Variants in KCNQ2 observed in about 807,000 individuals in gnomAD.
KCNQ2 encodes the protein potassium voltage-gated channel subfamily Q member 2, also known as potassium voltage-gated channel subfamily KQT member 2.
Under a neutral mutation model 84.8 loss-of-function variants are expected in KCNQ2, and 14 were observed. The observed-to-expected ratio is 0.17, with a 90% CI of 0.11 to 0.26. The LOEUF (loss-of-function observed/expected upper bound fraction) is 0.26, where lower values mean the gene tolerates loss of function less well. KCNQ2 is among the 10% of genes least tolerant of loss of function. The pLI is 1.00. For missense variants in KCNQ2, 788 were observed against 1,254.0 expected, an observed-to-expected ratio of 0.63 and a Z score of 5.61; for synonymous variants, 599 against 554.1, an observed-to-expected ratio of 1.08 and a Z score of -1.14.
At chr20:63,469,284 C>A (rs1003441999) in intron 1 of KCNQ2, among the ~76,000 whole-genome samples, 1 of 152,244 alleles carries the variant, frequency 6.6e-6, no homozygotes, top group Non-Finnish European at 1.5e-5. Flanking sequence ...TGGCCCAGCA[C>A]CCCGCCCCGA....
intron 3 of KCNQ2, 141 bp from the exon 4 acceptor site, chr20:63,444,975 G>A: frequency 1.9e-6 from 2 of 1,068,060 alleles, no homozygotes; most frequent in Non-Finnish European, 2.7e-6. Context: ...GCTCTGTCAG[G>A]CCCCAGGAAG....
intron 1 of KCNQ2, among the ~76,000 whole-genome samples, chr20:63,454,607 G>A (rs2081721606): frequency 6.6e-6 from 1 of 152,262 alleles, no homozygotes; most frequent in Middle Eastern, 3.2e-3. Flanking sequence ...AAGACACAGG[G>A]GCTTCCAGGC....
chr20:63,453,418 G>A (rs887090433), intron 1 of KCNQ2, among the ~76,000 whole-genome samples: 10 of 152,236 alleles, frequency 6.6e-5, no homozygotes, highest in Admixed American at 6.5e-4. Flanking sequence ...TGTGCTCGTT[G>A]GCCAAGTTCT....
intron 1 of KCNQ2, chr20:63,447,460 T>TTTTTAATGATACGGCGA: frequency 6.5e-6 from 1 of 154,196 alleles, no homozygotes; most frequent in Admixed American, 6.4e-5. Flanking sequence ...GCCAGTGACT[T>TTTTTAATGATACGGCGA]CCACCATGAT....
At chr20:63,443,364 CCAT>C (rs1455356966) in intron 4 of KCNQ2, among the ~76,000 whole-genome samples, 14 of 111,342 alleles carry the variant, frequency 1.3e-4, no homozygotes, top group East Asian at 2.6e-4. Flanking sequence ...ACCACCATCA[CCAT>C]CATCACCACC....
chr20:63,470,401 G>A (rs2082187586), intron 1 of KCNQ2, among the ~76,000 whole-genome samples: 1 of 152,218 alleles, frequency 6.6e-6, no homozygotes, highest in Admixed American at 6.5e-5. Context: ...GGGTGGTCAG[G>A]AAGAGACGGC....
intron 1 of KCNQ2, among the ~76,000 whole-genome samples, chr20:63,453,456 C>T (rs6062945): frequency 0.22 from 32,792 of 152,290 alleles, 4,069 homozygotes; most frequent in Non-Finnish European, 0.29. Flanking sequence ...GGGAAAAATG[C>T]GCAGACATCT....
Position 63,408,319 on chromosome 20 carries a change from G to A in KCNQ2, c.1887+94C>T, listed in dbSNP as rs1016228671. On this transcript the variant is annotated intron_variant, in intron 16 of 16. Transcript: ENST00000359125. The surrounding 1 kb of genome is among the most constrained non-coding windows in gnomAD (Gnocchi z 5.0). ...AAACCCTAGACTTGAGGAGCCCTCC[G>A]TGGCACCCAGCCCCTGAAGCCCACA... The A allele has an allele frequency of 6.0e-5, 90 of 1,509,040 alleles. No homozygotes were observed. The highest frequency in any genetic ancestry group is 2.3e-4 in the Middle Eastern group (1 of 4,330). 93.5% of individuals were successfully genotyped at this position (1,509,040 alleles called of 1,614,324 possible).
chr20:63,406,500 A>G lies in KCNQ2; in HGVS notation c.*144T>C, dbSNP rs187571225. 1.5e-4 allele frequency: 151 copies of G among 981,722 alleles called. No homozygotes were observed. The African/African-American group carries it at 2.2e-3, about 14-fold the overall frequency. 60.8% of individuals were successfully genotyped at this position (981,722 alleles called of 1,614,324 possible). ...TCACTGCCAGGAGCCCCCATCCTTC[A>G]GCCCACATGGGCCCCTCCAGGGCCC... On this transcript the variant is annotated 3_prime_UTR_variant, in exon 17 of 17. Coordinates refer to ENST00000359125, the MANE Select transcript of KCNQ2 (RefSeq NM_172107.4).
chr20:63,408,697 G>A lies in KCNQ2; in HGVS notation c.1764-161C>T, dbSNP rs1389501736. Among the ~76,000 whole-genome samples, 21 of 152,210 alleles carry A rather than the reference G, an allele frequency of 1.4e-4. No individual in the cohort carries two copies. The highest frequency in any genetic ancestry group is 2.1e-4 in the South Asian group (1 of 4,836). On this transcript the variant is annotated intron_variant, in intron 15 of 16. Coordinates refer to ENST00000359125, the MANE Select transcript of KCNQ2 (RefSeq NM_172107.4). This position sits in a 1 kb window ranked among gnomAD's most constrained non-coding sequence, Gnocchi z 5.0. The stretch of plus-strand genomic sequence containing the variant: ...GTGCCAGGACAGATGGACGGGGTGC[G>A]CCCCGTTCTCAGCCCGTCTTCTGGC...
At chr20:63,468,437 G>A (rs191779130) in intron 1 of KCNQ2, among the ~76,000 whole-genome samples, 7 of 152,284 alleles carry the variant, frequency 4.6e-5, no homozygotes, top group Non-Finnish European at 8.8e-5. Flanking sequence ...TGTGCCAGGC[G>A]CCTGCCCACC....
chr20:63,413,840 A>G (rs1449843419), intron 14 of KCNQ2, among the ~76,000 whole-genome samples: 1 of 152,100 alleles, frequency 6.6e-6, no homozygotes, highest in East Asian at 1.9e-4. Flanking sequence ...GTTGCTTCCT[A>G]AGCCAGGTGG....
intron 1 of KCNQ2, among the ~76,000 whole-genome samples, chr20:63,468,773 A>G (rs1208197920): frequency 2.6e-5 from 4 of 152,208 alleles, no homozygotes; most frequent in Non-Finnish European, 1.5e-5. Context: ...CATCTGGCCT[A>G]TTTTAAACAC....
Position 63,407,079 on chromosome 20 carries a change from G to C in KCNQ2, c.2184C>G (p.His728Gln). ...WQPQSHPRQG[H>Q]GTSPVGDHGS... ...CGTGGTCCCCCACGGGGGAGGTGCC[G>C]TGGCCCTGGCGCGGGTGGCTCTGTG... Residue 728 changes from histidine to glutamine, a missense_variant, in exon 17 of 17, where the codon CAC (histidine) becomes CAG (glutamine). By Grantham distance (24) the His-to-Gln change is conservative. Coordinates refer to ENST00000359125, the MANE Select transcript of KCNQ2 (RefSeq NM_172107.4). The surrounding 1 kb of genome is among the most constrained non-coding windows in gnomAD (Gnocchi z 7.2). The C allele has an allele frequency of 6.5e-7, 1 of 1,530,080 alleles. No homozygotes were observed. The highest frequency in any genetic ancestry group is 8.8e-7 in the Non-Finnish European group (1 of 1,140,220). The allele number at this position is 1,530,080 out of a possible 1,614,324, so 94.8% of individuals were successfully genotyped here.
intron 8 of KCNQ2, among the ~76,000 whole-genome samples, chr20:63,432,106 T>TCAGGGAAGGCCCCACCCA (rs2080818212): frequency 1.1e-5 from 1 of 94,624 alleles, no homozygotes; most frequent in Non-Finnish European, 2.3e-5. Flanking sequence ...GGCCCCACCC[T>TCAGGGAAGGCCCCACCCA]CAGGGAAGGC....
chr20:63,423,959 A>G (rs966673628), intron 11 of KCNQ2: 1 of 589,338 alleles, frequency 1.7e-6, no homozygotes, highest in Non-Finnish European at 3.1e-6. Flanking sequence ...ACAGTGCTGC[A>G]AAGTAAAACC....
At position 63,431,389 on chromosome 20, in the gene KCNQ2, A is replaced by G; in HGVS notation, c.1119-20T>C. Reference sequence around the variant, plus strand: ...TGCGAACTTTCAAGTGTTTCCACACACACAAAGGGAAAAGAACGGAAAATT... The same window carrying G: ...TGCGAACTTTCAAGTGTTTCCACACGCACAAAGGGAAAAGAACGGAAAATT... On this transcript the variant is annotated intron_variant, in intron 8 of 16. Transcript: ENST00000359125. 6.2e-7 allele frequency: 1 copy of G among 1,613,644 alleles called. No individual in the cohort carries two copies. The highest frequency in any genetic ancestry group is 8.5e-7 in the Non-Finnish European group (1 of 1,179,734).
At chr20:63,451,873 G>A (rs1049288424) in intron 1 of KCNQ2, among the ~76,000 whole-genome samples, 7 of 152,222 alleles carry the variant, frequency 4.6e-5, no homozygotes, top group Admixed American at 1.3e-4. Context: ...CCCCAGCAGC[G>A]GCCTCTGCTG....
intron 1 of KCNQ2, among the ~76,000 whole-genome samples, chr20:63,454,021 T>G (rs55762580): frequency 0.18 from 27,190 of 152,220 alleles, 3,174 homozygotes; most frequent in Non-Finnish European, 0.27. Flanking sequence ...CTCAGCCTGC[T>G]TCCTAAGGTG....
Sources: allele counts gnomAD v4.1 joint callset (sites outside exome capture counted in the v4.1 genomes callset), GRCh38; gene constraint gnomAD v4.1.1; non-coding constraint Gnocchi (gnomAD v3.1); transcripts MANE v1.5; gene names NCBI Gene and HGNC (gene_info 2026-07-23, HGNC 2026-07-21).